The following HELQ variants were observed in gnomAD, a reference collection of about 807,000 sequenced individuals.
HELQ encodes the protein helicase POLQ-like.
HELQ carries 77 observed loss-of-function variants against 111.6 expected under a neutral mutation model. That is an observed-to-expected ratio of 0.69 (90% confidence interval 0.57 to 0.83). The LOEUF (loss-of-function observed/expected upper bound fraction) is 0.83, where lower values mean the gene tolerates loss of function less well. Ranked by LOEUF, HELQ falls within the 40% of genes least tolerant of loss-of-function variation. HELQ has a pLI of 0.00. For synonymous variants in HELQ, 438 were observed against 454.7 expected (o/e 0.96, Z 0.47); for missense variants, 1,200 against 1,288.5 (o/e 0.93, Z 1.05).
At chr4:83,438,500 G>A (rs1419966273) in intron 8 of HELQ, among the ~76,000 whole-genome samples, 2 of 152,116 alleles carry the variant, frequency 1.3e-5, no homozygotes, top group East Asian at 3.8e-4. Context: ...CAGCACTTTG[G>A]GAGGCTATGG....
chr4:83,418,171 C>G lies in HELQ; in HGVS notation c.2985G>C (p.Leu995Phe), dbSNP rs1739462543. 6.8e-6 allele frequency: 11 copies of G among 1,607,342 alleles called. No homozygotes were observed. In the East Asian group the frequency reaches 2.5e-4, roughly 36 times the overall value. The stretch of plus-strand genomic sequence containing the variant: ...AAGTCAGCTTCTTGGTAAGTTCTAC[C>G]AAAAGGGCTCTGTAAACCCAAAACT... ...LEEFWVYRALLVELTKKLTYC... is the reference protein window; with the variant it reads ...LEEFWVYRALFVELTKKLTYC... Residue 995 changes from leucine to phenylalanine, a missense_variant, in exon 16 of 18, where the codon TTG becomes TTC. Transcript: ENST00000295488.
intron 6 of HELQ, among the ~76,000 whole-genome samples, chr4:83,442,645 T>G (rs1720835845): frequency 6.6e-6 from 1 of 151,138 alleles, no homozygotes. Context: ...TCTCTTGACC[T>G]CGTGATCTGC....
chr4:83,455,811 C>G lies in HELQ; in HGVS notation c.-118G>C. ...CTACATCCACCTTGGGAAAAGACCC[C>G]AAGTTAGCTCTCAGGGCTCGCGGAC... On this transcript the variant is annotated 5_prime_UTR_variant, in exon 1 of 18. Transcript: ENST00000295488. The G allele has an allele frequency of 1.9e-6, 2 of 1,026,980 alleles. No individual in the cohort carries two copies. The highest frequency in any genetic ancestry group is 2.9e-6 in the Non-Finnish European group (2 of 696,156). 63.6% of individuals were successfully genotyped at this position (1,026,980 alleles called of 1,614,324 possible).
chr4:83,434,997 T>C (rs35206598), intron 9 of HELQ, among the ~76,000 whole-genome samples: 36,306 of 152,136 alleles, frequency 0.24, 5,430 homozygotes, highest in Middle Eastern at 0.34. Context: ...ACCCAAGTGC[T>C]AAGCCCTATG....
intron 17 of HELQ, among the ~76,000 whole-genome samples, chr4:83,412,164 C>A (rs559792928): frequency 2.0e-5 from 3 of 152,308 alleles, no homozygotes; most frequent in Middle Eastern, 3.4e-3. Context: ...CTGTGCACTA[C>A]CCATTTTCCT....
In HELQ at chr4:83,453,549, T is replaced by G. The variant is rs1721524088; in HGVS notation, c.694A>C (p.Asn232His). The G allele has an allele frequency of 6.2e-7, 1 of 1,613,574 alleles. No homozygotes were observed. ...DWKSSSHNTV[N>H]EELPHNCIEQ... Reference sequence around the variant, plus strand: ...ATGCAATTATGGGGCAGTTCCTCATTCACAGTGTTGTGAGAGGATGACTTC... The same window carrying G: ...ATGCAATTATGGGGCAGTTCCTCATGCACAGTGTTGTGAGAGGATGACTTC... The change falls in exon 2 of 18, where the codon AAT (asparagine) becomes CAT (histidine). Residue 232 changes from asparagine (N) to histidine (H), a missense_variant. Around this residue, in one of 3 missense-constraint regions of HELQ, gnomAD observed 610 missense variants for 607.1 expected, o/e 1.00. Coordinates refer to ENST00000295488, the MANE Select transcript of HELQ (RefSeq NM_133636.5).
chr4:83,429,428 C>T (rs916872123), intron 12 of HELQ, 96 bp downstream of exon 12: 3 of 904,422 alleles, frequency 3.3e-6, no homozygotes, highest in East Asian at 2.5e-5. Context: ...GGATTACAGG[C>T]GTGAGCCACT....
At chr4:83,438,499 G>A (rs958580608) in intron 8 of HELQ, among the ~76,000 whole-genome samples, 1 of 152,148 alleles carries the variant, frequency 6.6e-6, no homozygotes, top group Non-Finnish European at 1.5e-5. Flanking sequence ...CCAGCACTTT[G>A]GGAGGCTATG....
At chr4:83,433,120 C>G (rs1720245962) in intron 9 of HELQ, among the ~76,000 whole-genome samples, 1 of 151,844 alleles carries the variant, frequency 6.6e-6, no homozygotes, top group Non-Finnish European at 1.5e-5. Context: ...GTCAGTTAGT[C>G]AGCTTTCTTA....
rs550270045 is a variant in HELQ, at chr4:83,429,458, T to C, written c.2518+66A>G. 3 of 1,206,356 alleles carry C rather than the reference T, an allele frequency of 2.5e-6. No individual in the cohort carries two copies. The Admixed American group carries it at 6.1e-5, about 24-fold the overall frequency. The allele number at this position is 1,206,356 out of a possible 1,614,324, so 74.7% of individuals were successfully genotyped here. A position where few individuals can be genotyped will look rare whatever the true frequency, so the allele number is the denominator to read the frequency against. On this transcript the variant is annotated intron_variant, in intron 12 of 17. Coordinates refer to ENST00000295488, the MANE Select transcript of HELQ (RefSeq NM_133636.5). ...GCCACTGTGCCCAGCTTAAAGAAAG[T>C]ATAATTTAATTTTCATTTTTTCCAA...
chr4:83,420,660 C>T (rs1185625883), intron 15 of HELQ, among the ~76,000 whole-genome samples: 2 of 152,058 alleles, frequency 1.3e-5, no homozygotes, highest in African/African-American at 4.8e-5. Flanking sequence ...TGTTGTGTGA[C>T]TATAATCCCA....
At chr4:83,420,582 C>T (rs1299347822) in intron 15 of HELQ, among the ~76,000 whole-genome samples, 8 of 152,058 alleles carry the variant, frequency 5.3e-5, no homozygotes, top group African/African-American at 1.4e-4. Context: ...GTCCGGAGTT[C>T]GAGATCAGCC....
rs1295639946 is a variant in HELQ at position 83,418,197 on chromosome 4, C to G, written c.2959G>C (p.Glu987Gln). ...AAAAGGGCTCTGTAAACCCAAAACTCCTCAAGCTCCTGTAGAACACAAAGA... is the reference window on the plus strand; with the variant it reads ...AAAAGGGCTCTGTAAACCCAAAACTGCTCAAGCTCCTGTAGAACACAAAGA... The part of the protein sequence containing the change: ...CVLHFCEELE[E>Q]FWVYRALLVE... The change falls in exon 16 of 18, where the codon GAG becomes CAG. Residue 987 changes from glutamate to glutamine, a missense_variant. Transcript: ENST00000295488. 1.0e-5 allele frequency: 16 copies of G among 1,572,114 alleles called. No homozygotes were observed. The highest frequency in any genetic ancestry group is 1.4e-5 in the Non-Finnish European group (16 of 1,151,042).
intron 9 of HELQ, 94 bp downstream of exon 9, chr4:83,436,764 T>C: frequency 7.6e-7 from 1 of 1,307,826 alleles, no homozygotes; most frequent in Non-Finnish European, 1.1e-6. Flanking sequence ...TGATAAATTC[T>C]CATCCACTAC....
At chr4:83,427,865 G>A (rs1451816592) in intron 12 of HELQ, 145 bp from the exon 13 acceptor site, 2 of 526,614 alleles carry the variant, frequency 3.8e-6, no homozygotes, top group Non-Finnish European at 6.3e-6. Context: ...TATTTTGGAG[G>A]TCATTTTGAT....
intron 16 of HELQ, 121 bp downstream of exon 16, chr4:83,417,972 C>A (rs1739452725): frequency 7.9e-6 from 4 of 509,296 alleles, no homozygotes; most frequent in African/African-American, 2.0e-5. Context: ...ATTCCCATGA[C>A]AAATGAGCAA....
intron 17 of HELQ, among the ~76,000 whole-genome samples, chr4:83,409,240 T>C (rs1472603942): frequency 2.0e-5 from 3 of 152,100 alleles, no homozygotes; most frequent in Non-Finnish European, 2.9e-5. Flanking sequence ...TTCTCATCTA[T>C]ACAAAACTAC....
At chr4:83,424,148 G>C (rs1343716313) in intron 14 of HELQ, among the ~76,000 whole-genome samples, 1 of 151,998 alleles carries the variant, frequency 6.6e-6, no homozygotes, top group Non-Finnish European at 1.5e-5. Flanking sequence ...GCAAATATTT[G>C]TTGACTATAT....
intron 1 of HELQ, among the ~76,000 whole-genome samples, chr4:83,454,272 A>G (rs1721599540): frequency 1.3e-5 from 2 of 152,214 alleles, no homozygotes; most frequent in South Asian, 4.1e-4. Context: ...TACCAAGTAT[A>G]TAATTATATG....
Sources: gnomAD v4.1 joint callset for allele counts (sites outside exome capture counted in the v4.1 genomes callset) on GRCh38, gnomAD v4.1.1 for gene constraint, gnomAD v4.1.1 regional missense constraint, MANE v1.5 for transcripts, NCBI Gene and HGNC (gene_info 2026-07-23, HGNC 2026-07-21) for gene names.